The following ABCC8 variants were observed in gnomAD, a reference collection of about 807,000 sequenced individuals.
The protein encoded by ABCC8 is ATP binding cassette subfamily C member 8.
A neutral mutation model predicts 188.0 loss-of-function variants in ABCC8; 137 were observed. That is an observed-to-expected ratio of 0.73 (90% CI 0.63 to 0.84). ABCC8 has a LOEUF of 0.84. ABCC8 is among the 40% of genes least tolerant of loss of function. The pLI is 0.00. For synonymous variants in ABCC8, 797 were observed against 846.5 expected (o/e 0.94, Z 1.01); for missense variants, 1,750 against 2,072.7 (o/e 0.84, Z 3.02).
chr11:17,451,491 G>A (rs930827530), intron 7 of ABCC8, among the ~76,000 whole-genome samples: 8 of 152,212 alleles, frequency 5.3e-5, no homozygotes, highest in East Asian at 1.9e-4. Context: ...GGAGGGCACC[G>A]TTCACACAGA....
At chr11:17,465,231 C>T (rs535627611) in intron 3 of ABCC8, among the ~76,000 whole-genome samples, 7 of 152,348 alleles carry the variant, frequency 4.6e-5, no homozygotes, top group African/African-American at 1.2e-4. Flanking sequence ...TCCACTCTGC[C>T]GGACAGATTC....
chr11:17,410,526 T>C lies in ABCC8; in HGVS notation c.2684A>G (p.His895Arg), dbSNP rs768566884. 1.2e-6 allele frequency: 2 copies of C among 1,614,122 alleles called. No individual in the cohort carries two copies. Among genetic ancestry groups the C allele is most frequent in the South Asian group, 2.2e-5 (2 of 91,082 alleles). The change falls in exon 22 of 39, where the codon CAT becomes CGT. Residue 895 changes from histidine to arginine, a missense_variant. His to Arg is a conservative substitution (Grantham distance 29). Coordinates refer to ENST00000389817, the MANE Select transcript of ABCC8 (RefSeq NM_000352.6). ...CTTGTTCCCCCTCACCCAGTCTGCA[T>C]GGGGCAGGTACTGTAGCTTGTGGGT... ...LVTHKLQYLPHADWIIAMKDG... is the reference protein window; with the variant it reads ...LVTHKLQYLPRADWIIAMKDG...
intron 10 of ABCC8, among the ~76,000 whole-genome samples, chr11:17,439,516 G>A (rs1259005674): frequency 3.3e-5 from 5 of 152,124 alleles, no homozygotes; most frequent in African/African-American, 4.8e-5. Flanking sequence ...AAGGCAGGAA[G>A]TCCAGAGGAG....
At chr11:17,464,903 C>A (rs909637317) in intron 3 of ABCC8, among the ~76,000 whole-genome samples, 1 of 152,222 alleles carries the variant, frequency 6.6e-6, no homozygotes, top group Admixed American at 6.5e-5. Context: ...GAGAGACTTT[C>A]ACCCTGCCCT....
At chr11:17,430,748 C>G in intron 12 of ABCC8, 66 bp downstream of exon 12, 1 of 1,554,792 alleles carries the variant, frequency 6.4e-7, no homozygotes, top group Non-Finnish European at 8.9e-7. Context: ...GGCCATCACT[C>G]GAGCAAGCCT....
At chr11:17,445,365 T>C (rs565232116) in intron 8 of ABCC8, among the ~76,000 whole-genome samples, 1 of 152,340 alleles carries the variant, frequency 6.6e-6, no homozygotes, top group East Asian at 1.9e-4. Context: ...GGGTTTCTTT[T>C]TGGGGAAATG....
In ABCC8 at chr11:17,442,793, G is replaced by A. The variant is rs1956370230; in HGVS notation, c.1557C>T (p.Arg519=). The change falls in exon 10 of 39, where the codon CGC becomes CGT. Residue 519 remains arginine (R), a synonymous_variant. Coordinates refer to ENST00000389817, the MANE Select transcript of ABCC8 (RefSeq NM_000352.6). ...LKLYAWENIF[R]TRVETTRRKE... ...TCCTGCGGGTCGTCTCCACCCGCGT[G>A]CGGAAGATGTTCTCCCAGGCGTACA... 6.2e-7 allele frequency: 1 copy of A among 1,614,114 alleles called. No individual in the cohort carries two copies. The highest frequency in any genetic ancestry group is 8.5e-7 in the Non-Finnish European group (1 of 1,180,050).
At chr11:17,469,820 A>G (rs990458875) in intron 3 of ABCC8, among the ~76,000 whole-genome samples, 2 of 151,980 alleles carry the variant, frequency 1.3e-5, no homozygotes, top group Non-Finnish European at 2.9e-5. Context: ...TTCCCTGACC[A>G]TCCTGTGTAG....
chr11:17,463,633 G>C (rs199525431), intron 3 of ABCC8, 29 bp from the exon 4 acceptor site: 5 of 1,558,474 alleles, frequency 3.2e-6, no homozygotes, highest in Non-Finnish European at 4.3e-6. Flanking sequence ...AGATCGCAGA[G>C]ACGTGTGTGC....
chr11:17,402,209 A>C (rs1156277671), intron 29 of ABCC8, among the ~76,000 whole-genome samples: 1 of 152,046 alleles, frequency 6.6e-6, no homozygotes, highest in Non-Finnish European at 1.5e-5. Context: ...TCTGTGCCTC[A>C]GTTTCCTTGT....
At chr11:17,447,048 A>G (rs1956562326) in intron 8 of ABCC8, among the ~76,000 whole-genome samples, 1 of 152,008 alleles carries the variant, frequency 6.6e-6, no homozygotes. Flanking sequence ...TGCCATAGCA[A>G]CTCCAGAGGG....
At chr11:17,448,259 T>A in intron 8 of ABCC8, 1 of 487,532 alleles carries the variant, frequency 2.1e-6, no homozygotes, top group Non-Finnish European at 3.7e-6. Context: ...TTGATTTTTC[T>A]ATAGTTTATA....
At chr11:17,435,680 C>A in intron 10 of ABCC8, 1 of 1,395,778 alleles carries the variant, frequency 7.2e-7, no homozygotes, top group Middle Eastern at 1.8e-4. Flanking sequence ...CTTCACATGG[C>A]TGCCAGCCCT....
At chr11:17,441,081 A>C (rs2133589685) in intron 10 of ABCC8, among the ~76,000 whole-genome samples, 1 of 152,280 alleles carries the variant, frequency 6.6e-6, no homozygotes, top group Middle Eastern at 3.4e-3. Flanking sequence ...TCCTGGCACC[A>C]AAAGAACCAA....
chr11:17,408,344 A>G, intron 23 of ABCC8, 48 bp downstream of exon 23: 3 of 1,563,990 alleles, frequency 1.9e-6, no homozygotes, highest in Non-Finnish European at 2.6e-6. Context: ...TTCTAGCAGA[A>G]CCTTTGCATC....
At position 17,398,293 on chromosome 11, in the gene ABCC8, C is replaced by A. The variant is rs1046824013; in HGVS notation, c.3753+46G>T. ...AGGTACCTGTGTGCTCTTGCTCTGG[C>A]CCCACCCTCCTATCAGAGGCCAGGG... On this transcript the variant is annotated intron_variant, in intron 30 of 38. Transcript: ENST00000389817. 5 of 1,609,346 alleles carry A rather than the reference C, an allele frequency of 3.1e-6. No individual in the cohort carries two copies. The African/African-American group carries it at 6.7e-5, about 22-fold the overall frequency.
intron 24 of ABCC8, 93 bp from the exon 25 acceptor site, chr11:17,407,222 C>A (rs533832638): frequency 8.1e-6 from 13 of 1,605,128 alleles, no homozygotes; most frequent in African/African-American, 2.7e-5. Flanking sequence ...GAGGGGACAA[C>A]GGGGGCACAC....
chr11:17,463,354 G>GCAGGGTGGGGGCCTGAACC, intron 4 of ABCC8, 84 bp downstream of exon 4: 2 of 1,172,650 alleles, frequency 1.7e-6, no homozygotes, highest in Non-Finnish European at 2.5e-6. Flanking sequence ...TGGCTGAGAA[G>GCAGGGTGGGGGCCTGAACC]CAGGGTGGGG....
At chr11:17,412,153 A>G (rs1289404602) in intron 21 of ABCC8, among the ~76,000 whole-genome samples, 2 of 152,082 alleles carry the variant, frequency 1.3e-5, no homozygotes, top group East Asian at 3.9e-4. Context: ...CGGCCTCCCA[A>G]AGTGCTGGAA....
Sources: gnomAD v4.1 joint callset for allele counts (sites outside exome capture counted in the v4.1 genomes callset) on GRCh38, gnomAD v4.1.1 for gene constraint, MANE v1.5 for transcripts, NCBI Gene and HGNC (gene_info 2026-07-23, HGNC 2026-07-21) for gene names.